The following C12orf42 variants were observed in gnomAD, a reference collection of about 807,000 sequenced individuals.
C12orf42 encodes the protein uncharacterized protein C12orf42.
Under a neutral mutation model 21.6 loss-of-function variants are expected in C12orf42, and 25 were observed. The ratio of observed to expected loss-of-function variants is 1.16; its 90% CI spans 0.84 to 1.62. C12orf42 has a LOEUF of 1.62. Among genes scored for constraint, C12orf42 ranks in the 40% most tolerant of loss-of-function variants. The probability of loss-of-function intolerance (pLI) is 0.00; values close to 1 mark genes in which losing one functional copy is unlikely to be tolerated. For synonymous variants in C12orf42, 174 were observed against 175.0 expected, an observed-to-expected ratio of 0.99 and a Z score of 0.05; for missense variants, 483 against 459.3, an observed-to-expected ratio of 1.05 and a Z score of -0.47.
chr12:103,413,324 AC>A (rs1253760988), intron 2 of C12orf42, among the ~76,000 whole-genome samples: 1 of 152,122 alleles, frequency 6.6e-6, no homozygotes, highest in Admixed American at 6.5e-5. Flanking sequence ...CCATTTTTGA[AC>A]CAGCACTATG....
At chr12:103,462,083 TG>T (rs1419496303) in intron 2 of C12orf42, among the ~76,000 whole-genome samples, 3 of 144,788 alleles carry the variant, frequency 2.1e-5, no homozygotes, top group Non-Finnish European at 3.0e-5. Flanking sequence ...ATTTTTGTTT[TG>T]TTTTTTGCTT....
chr12:103,068,934 C>T, the C12orf42 span, among the ~76,000 whole-genome samples: 6,373 of 47,364 alleles, frequency 0.13, 601 homozygotes, highest in Middle Eastern at 0.2. Context: ...TCTCTCTCCA[C>T]ATATATATAT....
the C12orf42 span, among the ~76,000 whole-genome samples, chr12:103,141,406 C>T: frequency 2.6e-5 from 4 of 152,008 alleles, no homozygotes; most frequent in African/African-American, 9.7e-5. Flanking sequence ...AAATATTAAA[C>T]TCTATTTAAT....
the C12orf42 span, among the ~76,000 whole-genome samples, chr12:103,225,972 G>A: frequency 1.3e-5 from 2 of 152,234 alleles, no homozygotes; most frequent in African/African-American, 4.8e-5. Flanking sequence ...GATCTGGGAA[G>A]GAGTCAGTCA....
At chr12:103,442,823 T>C (rs1565836237) in intron 2 of C12orf42, among the ~76,000 whole-genome samples, 1 of 151,836 alleles carries the variant, frequency 6.6e-6, no homozygotes, top group East Asian at 1.9e-4. Context: ...TATTAAAGAG[T>C]AAAAAAAATT....
chr12:103,064,319 G>A, the C12orf42 span, among the ~76,000 whole-genome samples: 2 of 152,080 alleles, frequency 1.3e-5, no homozygotes, highest in Non-Finnish European at 2.9e-5. Flanking sequence ...AGGTGGCAGG[G>A]GCCAAATGGC....
intron 2 of C12orf42, among the ~76,000 whole-genome samples, chr12:103,415,647 G>C (rs912792230): frequency 1.3e-5 from 2 of 152,048 alleles, no homozygotes; most frequent in Non-Finnish European, 2.9e-5. Flanking sequence ...AGATAGCTGC[G>C]GAATAATGTT....
chr12:103,451,984 A>G (rs550504664), intron 2 of C12orf42, among the ~76,000 whole-genome samples: 3 of 152,130 alleles, frequency 2.0e-5, no homozygotes, highest in South Asian at 4.2e-4. Flanking sequence ...CTAAAACGCA[A>G]TGACTTAAAA....
intron 4 of C12orf42, among the ~76,000 whole-genome samples, chr12:103,338,058 C>T (rs2041866870): frequency 6.6e-6 from 1 of 152,214 alleles, no homozygotes; most frequent in Admixed American, 6.5e-5. Flanking sequence ...TTATCTTCTG[C>T]TTTCCCTTTA....
the C12orf42 span, among the ~76,000 whole-genome samples, chr12:103,562,683 G>A: frequency 6.6e-6 from 1 of 152,156 alleles, no homozygotes; most frequent in Non-Finnish European, 1.5e-5. Context: ...GTTTGTTTCA[G>A]GAACTTTCTG....
chr12:103,445,374 C>G (rs929349999), intron 2 of C12orf42, among the ~76,000 whole-genome samples: 2 of 151,582 alleles, frequency 1.3e-5, no homozygotes, highest in Non-Finnish European at 2.9e-5. Flanking sequence ...GTTTCTCCAA[C>G]TAGTTGTACA....
At chr12:103,284,984 T>C (rs1459024707) in intron 4 of C12orf42, among the ~76,000 whole-genome samples, 1 of 152,194 alleles carries the variant, frequency 6.6e-6, no homozygotes, top group Non-Finnish European at 1.5e-5. Context: ...TTTCTCACTG[T>C]TCCCTAAGCA....
At position 103,469,043 on chromosome 12, in the gene C12orf42, C is replaced by A. The variant is rs1413702775; in HGVS notation, c.78+9306G>T. Among the ~76,000 whole-genome samples the A allele has an allele frequency of 2.0e-5, 3 of 152,278 alleles. No homozygotes were observed. The East Asian group carries it at 5.8e-4, about 29-fold the overall frequency. On this transcript the variant is annotated intron_variant, in intron 2 of 5. Coordinates refer to ENST00000548883, the MANE Select transcript of C12orf42 (RefSeq NM_198521.5). ...GGACTGCATAACCACCAGAAGATCT[C>A]ACACCTGACCTCCTGGCTCACACCT...
chr12:103,153,784 A>G, the C12orf42 span, among the ~76,000 whole-genome samples: 1 of 152,056 alleles, frequency 6.6e-6, no homozygotes, highest in African/African-American at 2.4e-5. Context: ...ATATCCTCTC[A>G]CTCATCAGTT....
At chr12:103,515,097 C>G in the C12orf42 span, among the ~76,000 whole-genome samples, 1 of 152,102 alleles carries the variant, frequency 6.6e-6, no homozygotes, top group Non-Finnish European at 1.5e-5. Flanking sequence ...TTATCCAGCT[C>G]CAACTATCAA....
intron 1 of C12orf42, 129 bp downstream of exon 1, chr12:103,495,773 T>TC (rs1955511570): frequency 6.6e-6 from 1 of 151,358 alleles, no homozygotes. Context: ...TTGCCTCCGC[T>TC]CCTTGGCCTT....
At chr12:103,471,611 G>A (rs1367015582) in intron 2 of C12orf42, among the ~76,000 whole-genome samples, 5 of 152,150 alleles carry the variant, frequency 3.3e-5, no homozygotes, top group East Asian at 1.9e-4. Flanking sequence ...GCCTCTAAAT[G>A]GTACAGCCAG....
intron 10 of C12orf42, among the ~76,000 whole-genome samples, chr12:103,259,605 A>G (rs1836618113): frequency 6.6e-6 from 1 of 152,126 alleles, no homozygotes; most frequent in Admixed American, 6.6e-5. Flanking sequence ...AAATCTCAGG[A>G]TGTTCAGTTT....
chr12:103,494,431 A>C (rs1955380287), intron 1 of C12orf42, among the ~76,000 whole-genome samples: 1 of 152,086 alleles, frequency 6.6e-6, no homozygotes, highest in African/African-American at 2.4e-5. Flanking sequence ...AACTTTATTC[A>C]CTAGTCTCTT....
Sources: allele counts gnomAD v4.1 joint callset (sites outside exome capture counted in the v4.1 genomes callset), GRCh38; gene constraint gnomAD v4.1.1; transcripts MANE v1.5; gene names NCBI Gene and HGNC (gene_info 2026-07-23, HGNC 2026-07-21).